Variants in SHTN1 observed in about 807,000 individuals in gnomAD.
The protein encoded by SHTN1 is shootin 1.
SHTN1 carries 42 observed loss-of-function variants against 83.1 expected under a neutral mutation model. The observed-to-expected ratio is 0.51, with a 90% CI of 0.39 to 0.65. The LOEUF (loss-of-function observed/expected upper bound fraction) is 0.65, where lower values mean the gene tolerates loss of function less well. SHTN1 is among the 30% of genes least tolerant of loss of function. The pLI is 0.00. For synonymous variants in SHTN1, 224 were observed against 247.7 expected, an observed-to-expected ratio of 0.90 and a Z score of 0.90; for missense variants, 622 against 737.8, an observed-to-expected ratio of 0.84 and a Z score of 1.82.
intron 2 of SHTN1, among the ~76,000 whole-genome samples, chr10:116,978,695 A>T (rs1380682935): frequency 6.6e-6 from 1 of 152,098 alleles, no homozygotes; most frequent in Non-Finnish European, 1.5e-5. Flanking sequence ...GTAGAATTCA[A>T]TTATTTAACA....
intron 15 of SHTN1, among the ~76,000 whole-genome samples, chr10:116,905,090 A>G (rs1847911028): frequency 6.6e-6 from 1 of 151,468 alleles, no homozygotes; most frequent in South Asian, 2.1e-4. Context: ...AGTCCCAGCT[A>G]CTGGGGAGGC....
intron 16 of SHTN1, among the ~76,000 whole-genome samples, chr10:116,893,051 AAC>A (rs1847387651): frequency 6.6e-6 from 1 of 152,256 alleles, no homozygotes; most frequent in African/African-American, 2.4e-5. Flanking sequence ...GCAGCATTTT[AAC>A]AGTAATTTTG....
chr10:117,095,131 G>A (rs1351720608), intron 1 of SHTN1, among the ~76,000 whole-genome samples: 1 of 152,166 alleles, frequency 6.6e-6, no homozygotes, highest in Non-Finnish European at 1.5e-5. Flanking sequence ...AATTAGAACA[G>A]ACCAGCTCTG....
At chr10:117,073,775 C>A (rs1170465414) in intron 1 of SHTN1, among the ~76,000 whole-genome samples, 1 of 152,160 alleles carries the variant, frequency 6.6e-6, no homozygotes, top group East Asian at 1.9e-4. Context: ...AATTCTGTCT[C>A]CTTCAGGTGA....
chr10:116,911,407 A>G, intron 14 of SHTN1: 1 of 1,496,984 alleles, frequency 6.7e-7, no homozygotes, highest in Non-Finnish European at 8.9e-7. Flanking sequence ...CTTCACATTT[A>G]GGATTCTCCT....
chr10:116,978,473 AT>A lies in SHTN1; in HGVS notation c.111+782del, dbSNP rs1234983408. On this transcript the variant is annotated intron_variant, in intron 2 of 16. Coordinates refer to ENST00000355371, the MANE Select transcript of SHTN1 (RefSeq NM_001127211.3). ...CCAACAAAGTAATTTTTTAAAGTAA[AT>A]TTTTTTTATATCTAAAACCGAAAAT... is the stretch of plus-strand genomic sequence containing the variant. Among the ~76,000 whole-genome samples, 5 of 151,662 alleles carry A rather than the reference AT, an allele frequency of 3.3e-5. No homozygotes were observed. The East Asian group carries it at 5.8e-4, about 18-fold the overall frequency.
chr10:116,958,344 A>G (rs1401371779), intron 4 of SHTN1, among the ~76,000 whole-genome samples: 1 of 152,118 alleles, frequency 6.6e-6, no homozygotes, highest in African/African-American at 2.4e-5. Flanking sequence ...CATTTTTTAA[A>G]TTTTTTTCTA....
intron 13 of SHTN1, among the ~76,000 whole-genome samples, chr10:116,914,810 T>C (rs1312769588): frequency 6.6e-6 from 1 of 152,132 alleles, no homozygotes; most frequent in Admixed American, 6.5e-5. Flanking sequence ...CTCGCTGTGG[T>C]CTAGTTTAGG....
intron 16 of SHTN1, among the ~76,000 whole-genome samples, chr10:116,893,246 T>A (rs1267432105): frequency 1.3e-5 from 2 of 151,802 alleles, no homozygotes; most frequent in Admixed American, 6.6e-5. Context: ...GGAAAAAAAA[T>A]GAAGTGAAGG....
At chr10:116,965,172 G>C (rs1307279587) in intron 3 of SHTN1, among the ~76,000 whole-genome samples, 1 of 152,158 alleles carries the variant, frequency 6.6e-6, no homozygotes, top group African/African-American at 2.4e-5. Flanking sequence ...AAGCTAGGGA[G>C]AGTAGAGCCC....
chr10:117,117,306 T>C (rs1169392422), intron 1 of SHTN1, among the ~76,000 whole-genome samples: 2 of 152,074 alleles, frequency 1.3e-5, no homozygotes, highest in Admixed American at 6.6e-5. Context: ...ATCCCACTTA[T>C]AATAGCAACA....
rs780143376 is a variant in SHTN1 at position 116,945,339 on chromosome 10, TA to T, written c.617-322del. Among the ~76,000 whole-genome samples, 40 of 152,320 alleles carry T rather than the reference TA, an allele frequency of 2.6e-4. No homozygotes were observed. In the Middle Eastern group the frequency reaches 0.014, roughly 52 times the overall value. On this transcript the variant is annotated intron_variant, in intron 7 of 16. Transcript: ENST00000355371. ...TGCTGATAAAAGTGAAATGACATAA[TA>T]CTCTAACACAGAAGAATGAGTAAAT...
chr10:116,972,473 T>C (rs778331043), intron 2 of SHTN1, among the ~76,000 whole-genome samples: 4 of 152,176 alleles, frequency 2.6e-5, no homozygotes, highest in African/African-American at 7.2e-5. Context: ...AACACCCACT[T>C]ATTTCATCTT....
intron 16 of SHTN1, among the ~76,000 whole-genome samples, chr10:116,899,111 G>C (rs1199191955): frequency 6.6e-6 from 1 of 152,108 alleles, no homozygotes; most frequent in East Asian, 1.9e-4. Flanking sequence ...GGCAGGAATT[G>C]TTCCATGTGT....
At chr10:116,984,513 C>T (rs776340543) in intron 1 of SHTN1, among the ~76,000 whole-genome samples, 8 of 152,076 alleles carry the variant, frequency 5.3e-5, no homozygotes, top group Admixed American at 2.0e-4. Flanking sequence ...CTGTATGAAA[C>T]GTCTCCTTTC....
intron 1 of SHTN1, among the ~76,000 whole-genome samples, chr10:117,092,895 G>A (rs148168327): frequency 1.8e-4 from 27 of 152,290 alleles, no homozygotes; most frequent in African/African-American, 6.3e-4. Context: ...ATGCCTGGTT[G>A]AGGGACAGTT....
chr10:117,085,104 T>C (rs1480078926), intron 1 of SHTN1, among the ~76,000 whole-genome samples: 1 of 152,242 alleles, frequency 6.6e-6, no homozygotes, highest in Non-Finnish European at 1.5e-5. Context: ...AAACAGCTTT[T>C]GGTTTCATTG....
At chr10:116,981,300 G>A (rs969859306) in intron 1 of SHTN1, among the ~76,000 whole-genome samples, 5 of 152,124 alleles carry the variant, frequency 3.3e-5, no homozygotes, top group African/African-American at 4.8e-5. Context: ...CAACCTGGGC[G>A]ACAGAGCGAG....
At position 116,948,835 on chromosome 10, in the gene SHTN1, A is replaced by T. The variant is rs1261623153; in HGVS notation, c.616+81T>A. 3 of 886,080 alleles carry T rather than the reference A, an allele frequency of 3.4e-6. No individual in the cohort carries two copies. The African/African-American group carries it at 5.3e-5, about 16-fold the overall frequency. 54.9% of individuals were successfully genotyped at this position (886,080 alleles called of 1,614,324 possible). The stretch of plus-strand genomic sequence containing the variant: ...ATTTTATTTACAGTCATATTTAGGC[A>T]CAGGTGTAAAATGACACACAATATA... On this transcript the variant is annotated intron_variant, in intron 7 of 16. Transcript: ENST00000355371.
Sources: gnomAD v4.1 joint callset for allele counts (sites outside exome capture counted in the v4.1 genomes callset) on GRCh38, gnomAD v4.1.1 for gene constraint, MANE v1.5 for transcripts, NCBI Gene and HGNC (gene_info 2026-07-23, HGNC 2026-07-21) for gene names.